SPART: variants seen among roughly 807,000 people sequenced by gnomAD.
SPART encodes spartin.
In SPART, 35 loss-of-function variants were observed where a neutral mutation model predicts 58.7. That is an observed-to-expected ratio of 0.60 (90% CI 0.46 to 0.79). The LOEUF (loss-of-function observed/expected upper bound fraction) is 0.79. SPART is among the 30% of genes least tolerant of loss of function. The pLI is 0.00. For synonymous variants in SPART, 284 were observed against 280.7 expected, an observed-to-expected ratio of 1.01 and a Z score of -0.12; for missense variants, 730 against 786.1, an observed-to-expected ratio of 0.93 and a Z score of 0.85.
chr13:36,339,706 G>A (rs1884396250), intron 1 of SPART, among the ~76,000 whole-genome samples: 1 of 148,246 alleles, frequency 6.7e-6, no homozygotes, highest in African/African-American at 2.5e-5. Context: ...AAAAATAAGG[G>A]ATGAAAGAAT....
intron 4 of SPART, among the ~76,000 whole-genome samples, chr13:36,327,330 A>G (rs553889373): frequency 4.6e-5 from 7 of 152,344 alleles, no homozygotes; most frequent in Admixed American, 1.3e-4. Context: ...TAGTATTAAT[A>G]TAATAAAATA....
chr13:36,352,728 A>G (rs759775451), intron 1 of SPART, among the ~76,000 whole-genome samples: 4 of 151,058 alleles, frequency 2.6e-5, no homozygotes, highest in East Asian at 2.0e-4. Context: ...GGGAGGATCA[A>G]TTGAGCCCAG....
intron 1 of SPART, among the ~76,000 whole-genome samples, chr13:36,366,362 A>T (rs59807029): frequency 0.013 from 1,936 of 152,258 alleles, 29 homozygotes; most frequent in African/African-American, 0.044. Context: ...TATTACCACC[A>T]TTAGCACCAC....
At chr13:36,367,649 C>A (rs1886115898) in intron 1 of SPART, among the ~76,000 whole-genome samples, 4 of 152,012 alleles carry the variant, frequency 2.6e-5, no homozygotes, top group Admixed American at 2.6e-4. Flanking sequence ...ATGAAAAAAG[C>A]CTTGTAAGCT....
intron 8 of SPART, among the ~76,000 whole-genome samples, chr13:36,305,079 G>A (rs1457763026): frequency 6.6e-6 from 1 of 152,186 alleles, no homozygotes. Context: ...GGGAATTTGA[G>A]TTAATCTTTA....
chr13:36,319,331 A>C (rs1882107925), intron 5 of SPART, among the ~76,000 whole-genome samples: 4 of 144,456 alleles, frequency 2.8e-5, no homozygotes, highest in Admixed American at 6.9e-5. Flanking sequence ...CCCCACCTTA[A>C]CCCACAAGTA....
rs1352966266 is a variant in SPART at position 36,346,266 on chromosome 13, AGCTCCCTGCGCGGCC to A, written c.-59_-45del. 1 of 150,572 alleles carries A rather than the reference AGCTCCCTGCGCGGCC, an allele frequency of 6.6e-6. No individual in the cohort carries two copies. The highest frequency in any genetic ancestry group is 1.5e-5 in the Non-Finnish European group (1 of 67,856). 9.3% of individuals were successfully genotyped at this position (150,572 alleles called of 1,614,324 possible). A position where few individuals can be genotyped will look rare whatever the true frequency, so the allele number is the denominator to read the frequency against. On this transcript the variant is annotated 5_prime_UTR_variant, in exon 1 of 9. Transcript: ENST00000438666. ...TCGGGCGCCCCGGCGTTGCCTCGAG[AGCTCCCTGCGCGGCC>A]GCCGCGGCACGGACCAGCTCCCACT...
intron 8 of SPART, among the ~76,000 whole-genome samples, chr13:36,305,394 A>G (rs1056176763): frequency 6.6e-6 from 1 of 151,936 alleles, no homozygotes; most frequent in African/African-American, 2.4e-5. Context: ...TATAGAACTT[A>G]TTAATTATCA....
chr13:36,343,218 T>C (rs556585961), intron 1 of SPART, among the ~76,000 whole-genome samples: 1 of 152,324 alleles, frequency 6.6e-6, no homozygotes, highest in African/African-American at 2.4e-5. Context: ...TAGGAAATTT[T>C]TAAACTTAGC....
intron 1 of SPART, among the ~76,000 whole-genome samples, chr13:36,340,761 G>A (rs1354363346): frequency 9.6e-6 from 1 of 104,328 alleles, no homozygotes; most frequent in Non-Finnish European, 2.1e-5. Context: ...AATACCTAAT[G>A]TGATTGTAAG....
At chr13:36,314,819 G>A (rs1881512631) in intron 5 of SPART, among the ~76,000 whole-genome samples, 1 of 152,148 alleles carries the variant, frequency 6.6e-6, no homozygotes, top group African/African-American at 2.4e-5. Flanking sequence ...CCTTAGGCCA[G>A]GCATCTCTTT....
chr13:36,305,161 T>G (rs187466199), intron 8 of SPART, among the ~76,000 whole-genome samples: 12 of 152,284 alleles, frequency 7.9e-5, no homozygotes, highest in Admixed American at 6.5e-5. Flanking sequence ...TGCTGTTCCT[T>G]GAGCCCACCA....
At chr13:36,369,063 C>A (rs1049586765) in intron 1 of SPART, among the ~76,000 whole-genome samples, 1 of 152,130 alleles carries the variant, frequency 6.6e-6, no homozygotes, top group Non-Finnish European at 1.5e-5. Flanking sequence ...TGCTATTTTT[C>A]TCAAAAATTA....
chr13:36,341,852 T>C (rs1400010512), intron 1 of SPART, among the ~76,000 whole-genome samples: 6 of 152,234 alleles, frequency 3.9e-5, no homozygotes, highest in African/African-American at 7.2e-5. Flanking sequence ...GTATTTGCTC[T>C]ACCCCACAAC....
chr13:36,345,029 T>C (rs978257621), intron 1 of SPART, among the ~76,000 whole-genome samples: 1 of 152,182 alleles, frequency 6.6e-6, no homozygotes, highest in Admixed American at 6.5e-5. Context: ...TTCGATTCCA[T>C]AAACACTGAA....
At chr13:36,364,080 T>G (rs930771546) in intron 1 of SPART, among the ~76,000 whole-genome samples, 22 of 152,298 alleles carry the variant, frequency 1.4e-4, no homozygotes, top group African/African-American at 5.3e-4. Context: ...TCTTCCTGAT[T>G]GCTAAAAGTT....
At chr13:36,332,724 A>G (rs1375244311) in intron 2 of SPART, among the ~76,000 whole-genome samples, 1 of 152,244 alleles carries the variant, frequency 6.6e-6, no homozygotes, top group Non-Finnish European at 1.5e-5. Flanking sequence ...ATAAGCTCAC[A>G]TCCTGGCTGC....
At chr13:36,330,603 CCT>C (rs1301731640) in intron 3 of SPART, among the ~76,000 whole-genome samples, 1 of 152,030 alleles carries the variant, frequency 6.6e-6, no homozygotes, top group Non-Finnish European at 1.5e-5. Flanking sequence ...TCATTCAACC[CCT>C]GATGACTGTC....
rs1221010173 is a variant in SPART at position 36,335,215 on chromosome 13, A to C, written c.616T>G (p.Ser206Ala). 6.2e-7 allele frequency: 1 copy of C among 1,614,086 alleles called. No individual in the cohort carries two copies. The highest frequency in any genetic ancestry group is 8.5e-7 in the Non-Finnish European group (1 of 1,180,010). The change falls in exon 2 of 9, where the codon TCT (serine) becomes GCT (alanine). Residue 206 changes from serine (S) to alanine (A), a missense_variant. Ser to Ala is a moderately conservative substitution (Grantham distance 99, BLOSUM62 1). Transcript: ENST00000438666. ...AAGGTCTCAAGAGGCGGTGGCTGAG[A>C]ATGATTCCTATAAAACTCCTCTCCA... is the stretch of plus-strand genomic sequence containing the variant. ...SVGEEFYRNH[S>A]QPPPLETLGL...
Sources: allele counts gnomAD v4.1 joint callset (sites outside exome capture counted in the v4.1 genomes callset), GRCh38; gene constraint gnomAD v4.1.1; transcripts MANE v1.5; gene names NCBI Gene and HGNC (gene_info 2026-07-23, HGNC 2026-07-21).